OTUD7A: variants seen among roughly 807,000 people sequenced by gnomAD.
OTUD7A encodes OTU deubiquitinase 7A.
OTUD7A carries 12 observed loss-of-function variants against 65.7 expected under a neutral mutation model. That is an observed-to-expected ratio of 0.18 (90% CI 0.12 to 0.30). The LOEUF (loss-of-function observed/expected upper bound fraction) is 0.30, where lower values mean the gene tolerates loss of function less well. OTUD7A is among the 10% of genes least tolerant of loss of function. OTUD7A has a pLI of 1.00. For synonymous variants in OTUD7A, 641 were observed against 586.3 expected, an observed-to-expected ratio of 1.09 and a Z score of -1.35; for missense variants, 1,148 against 1,304.8, an observed-to-expected ratio of 0.88 and a Z score of 1.85.
intron 1 of OTUD7A, among the ~76,000 whole-genome samples, chr15:31,770,865 T>TA (rs963937807): frequency 6.6e-6 from 1 of 152,152 alleles, no homozygotes; most frequent in African/African-American, 2.4e-5. Context: ...CTATTCATGA[T>TA]AAAAAATTCT....
intron 1 of OTUD7A, among the ~76,000 whole-genome samples, chr15:31,709,924 G>A (rs2141335713): frequency 6.6e-6 from 1 of 150,884 alleles, no homozygotes; most frequent in African/African-American, 2.4e-5. Context: ...AGGAATATAT[G>A]GTCTAAGTCC....
intron 1 of OTUD7A, among the ~76,000 whole-genome samples, chr15:31,776,980 TAA>T (rs375708760): frequency 1.4e-5 from 2 of 145,808 alleles, no homozygotes; most frequent in African/African-American, 5.0e-5. Context: ...AATCTAACTC[TAA>T]AAAAAAAAAA....
intron 1 of OTUD7A, among the ~76,000 whole-genome samples, chr15:31,814,124 A>C (rs1896490643): frequency 1.3e-5 from 2 of 152,260 alleles, no homozygotes; most frequent in Admixed American, 6.5e-5. Flanking sequence ...ACGCATGCTA[A>C]TTATGCACTA....
intron 1 of OTUD7A, among the ~76,000 whole-genome samples, chr15:31,831,228 C>T (rs1242544485): frequency 6.6e-6 from 1 of 152,122 alleles, no homozygotes; most frequent in Non-Finnish European, 1.5e-5. Flanking sequence ...TATCTTCATG[C>T]CTTAGCATAG....
chr15:31,550,310 C>T (rs1176418503), intron 5 of OTUD7A, among the ~76,000 whole-genome samples: 2 of 152,054 alleles, frequency 1.3e-5, no homozygotes, highest in African/African-American at 4.8e-5. Context: ...ACAGCATGCA[C>T]CCTGGGCACT....
At chr15:31,709,266 G>A (rs1893377957) in intron 1 of OTUD7A, among the ~76,000 whole-genome samples, 1 of 152,192 alleles carries the variant, frequency 6.6e-6, no homozygotes, top group African/African-American at 2.4e-5. Flanking sequence ...CTCAGAAGCA[G>A]AGAGCTGAGG....
At chr15:31,655,831 A>G (rs1409839888) in intron 2 of OTUD7A, among the ~76,000 whole-genome samples, 1 of 152,358 alleles carries the variant, frequency 6.6e-6, no homozygotes, top group Admixed American at 6.5e-5. Flanking sequence ...AAGTATACCT[A>G]GAAAAATTCA....
intron 1 of OTUD7A, among the ~76,000 whole-genome samples, chr15:31,855,969 C>T (rs1897561715): frequency 6.6e-6 from 1 of 152,146 alleles, no homozygotes; most frequent in South Asian, 2.1e-4. Context: ...ACATTACTTC[C>T]TGCACATCAG....
At chr15:31,575,582 G>A (rs1033520794) in intron 3 of OTUD7A, among the ~76,000 whole-genome samples, 1 of 152,140 alleles carries the variant, frequency 6.6e-6, no homozygotes, top group African/African-American at 2.4e-5. Context: ...ATCCACCATG[G>A]GTTGACTGAA....
chr15:31,583,478 C>T (rs532738230), intron 3 of OTUD7A, among the ~76,000 whole-genome samples: 9 of 152,138 alleles, frequency 5.9e-5, no homozygotes, highest in East Asian at 3.9e-4. Context: ...CCATAATTCC[C>T]GTACGTTGTA....
intron 8 of OTUD7A, among the ~76,000 whole-genome samples, chr15:31,523,234 T>C (rs2041962209): frequency 6.6e-6 from 1 of 152,164 alleles, no homozygotes; most frequent in South Asian, 2.1e-4. Flanking sequence ...ACCTTTTGCC[T>C]CCTCCCCTTC....
chr15:31,618,773 A>T (rs1218738448), intron 3 of OTUD7A, among the ~76,000 whole-genome samples: 3 of 152,068 alleles, frequency 2.0e-5, no homozygotes, highest in Non-Finnish European at 1.5e-5. Context: ...GAAGCCCTTT[A>T]GTTTAATTAG....
At chr15:31,638,458 C>A (rs1465666939) in intron 3 of OTUD7A, among the ~76,000 whole-genome samples, 1 of 149,590 alleles carries the variant, frequency 6.7e-6, no homozygotes, top group African/African-American at 2.5e-5. Context: ...CCACTCACTG[C>A]AACCTCTGTC....
chr15:31,654,577 C>G (rs1595687851), intron 3 of OTUD7A, among the ~76,000 whole-genome samples: 2 of 151,300 alleles, frequency 1.3e-5, no homozygotes, highest in Non-Finnish European at 2.9e-5. Flanking sequence ...CCACTGCCGC[C>G]ATCAGAAAAA....
chr15:31,669,731 T>C (rs1319177195), intron 1 of OTUD7A, among the ~76,000 whole-genome samples: 2 of 151,958 alleles, frequency 1.3e-5, no homozygotes, highest in African/African-American at 4.8e-5. Flanking sequence ...GTGGTGTTTT[T>C]CCCCCCTCCT....
At chr15:31,567,039 T>C (rs1566923591) in intron 4 of OTUD7A, among the ~76,000 whole-genome samples, 1 of 152,176 alleles carries the variant, frequency 6.6e-6, no homozygotes, top group Admixed American at 6.5e-5. Flanking sequence ...AGGGGGTACC[T>C]GAAAATGTGA....
At chr15:31,617,378 T>C (rs1890623429) in intron 3 of OTUD7A, among the ~76,000 whole-genome samples, 1 of 151,976 alleles carries the variant, frequency 6.6e-6, no homozygotes, top group Admixed American at 6.5e-5. Flanking sequence ...TCCCAGCTAC[T>C]TGGGAGGCTG....
At chr15:31,532,702 C>T (rs921835925) in intron 5 of OTUD7A, among the ~76,000 whole-genome samples, 3 of 151,918 alleles carry the variant, frequency 2.0e-5, no homozygotes, top group South Asian at 2.1e-4. Flanking sequence ...CTGAGGCGGG[C>T]GGATCACGAG....
intron 3 of OTUD7A, among the ~76,000 whole-genome samples, chr15:31,578,191 G>T (rs1291999903): frequency 6.6e-6 from 1 of 152,100 alleles, no homozygotes; most frequent in Non-Finnish European, 1.5e-5. Flanking sequence ...CTCTTTTTTG[G>T]AATGCAGGAA....
Sources: gnomAD v4.1 joint callset for allele counts (sites outside exome capture counted in the v4.1 genomes callset) on GRCh38, gnomAD v4.1.1 for gene constraint, MANE v1.5 for transcripts, NCBI Gene and HGNC (gene_info 2026-07-23, HGNC 2026-07-21) for gene names.